UNC13C: variants seen among roughly 807,000 people sequenced by gnomAD.
The protein encoded by UNC13C is protein unc-13 homolog C.
UNC13C carries 174 observed loss-of-function variants against 245.4 expected under a neutral mutation model. The ratio of observed to expected loss-of-function variants is 0.71; its 90% CI spans 0.63 to 0.80. The LOEUF is 0.80. UNC13C is among the 30% of genes least tolerant of loss of function. UNC13C has a pLI of 0.00. For synonymous variants in UNC13C, 992 were observed against 895.1 expected (o/e 1.11, Z -1.93); for missense variants, 2,829 against 2,602.9 (o/e 1.09, Z -1.89).
intron 1 of UNC13C, among the ~76,000 whole-genome samples, chr15:54,007,228 C>T (rs970829770): frequency 1.1e-4 from 17 of 152,070 alleles, no homozygotes; most frequent in East Asian, 5.8e-4. Context: ...GTCCAGGACA[C>T]GTAACACAAC....
At chr15:53,962,033 T>C in the UNC13C span, among the ~76,000 whole-genome samples, 3 of 152,204 alleles carry the variant, frequency 2.0e-5, no homozygotes, top group African/African-American at 7.2e-5. Flanking sequence ...ATGTTTTCTT[T>C]AAGAGATAGC....
At chr15:53,839,208 G>T in the UNC13C span, among the ~76,000 whole-genome samples, 1 of 151,702 alleles carries the variant, frequency 6.6e-6, no homozygotes, top group Non-Finnish European at 1.5e-5. Flanking sequence ...ATTTTTTACT[G>T]TTCTTCCCAT....
chr15:54,550,032 C>A (rs1026582480), intron 28 of UNC13C, among the ~76,000 whole-genome samples: 6 of 152,120 alleles, frequency 3.9e-5, no homozygotes, highest in African/African-American at 1.4e-4. Flanking sequence ...AGGCACTGAA[C>A]TTGTCAACAT....
At chr15:54,041,030 A>G (rs989771545) in intron 2 of UNC13C, among the ~76,000 whole-genome samples, 1 of 152,218 alleles carries the variant, frequency 6.6e-6, no homozygotes, top group Non-Finnish European at 1.5e-5. Context: ...TCCACTTAAT[A>G]TACTCATTGT....
the UNC13C span, among the ~76,000 whole-genome samples, chr15:53,910,259 C>T: frequency 2.7e-5 from 4 of 145,578 alleles, no homozygotes; most frequent in South Asian, 2.3e-4. Flanking sequence ...CACTTAACCC[C>T]CAGGAGGTTT....
intron 19 of UNC13C, among the ~76,000 whole-genome samples, chr15:54,427,565 C>G (rs907782253): frequency 6.6e-6 from 1 of 151,746 alleles, no homozygotes; most frequent in African/African-American, 2.4e-5. Flanking sequence ...GCACAAAGAA[C>G]TTCAGAATTA....
At chr15:54,205,710 A>C (rs2034686971) in intron 4 of UNC13C, among the ~76,000 whole-genome samples, 1 of 152,020 alleles carries the variant, frequency 6.6e-6, no homozygotes, top group Non-Finnish European at 1.5e-5. Context: ...GTCATCTTTT[A>C]AGCTTCTCTA....
chr15:53,850,044 C>T, the UNC13C span, among the ~76,000 whole-genome samples: 42,086 of 152,056 alleles, frequency 0.28, 7,120 homozygotes, highest in Non-Finnish European at 0.37. Context: ...CAAGAACTTC[C>T]TTTAACATTT....
At chr15:53,911,577 T>A in the UNC13C span, 1 of 152,200 alleles carries the variant, frequency 6.6e-6, no homozygotes, top group Non-Finnish European at 1.5e-5. Context: ...ATGGAGAATC[T>A]GGCTTCTATC....
chr15:54,502,857 G>C (rs1316219919), intron 22 of UNC13C, among the ~76,000 whole-genome samples: 1 of 152,118 alleles, frequency 6.6e-6, no homozygotes, highest in African/African-American at 2.4e-5. Flanking sequence ...TGAGTGCACG[G>C]TAACAGAGTA....
At chr15:54,154,884 C>A (rs1340289097) in intron 4 of UNC13C, among the ~76,000 whole-genome samples, 4 of 152,054 alleles carry the variant, frequency 2.6e-5, no homozygotes, top group South Asian at 2.1e-4. Flanking sequence ...GGCTTCTGAC[C>A]AATATAAGAA....
At chr15:54,454,194 T>C (rs1386951880) in intron 19 of UNC13C, among the ~76,000 whole-genome samples, 1 of 151,978 alleles carries the variant, frequency 6.6e-6, no homozygotes, top group African/African-American at 2.4e-5. Context: ...TGGCATGAGG[T>C]GCTACATTCA....
At chr15:54,603,899 T>G (rs891411958) in intron 30 of UNC13C, among the ~76,000 whole-genome samples, 1 of 152,120 alleles carries the variant, frequency 6.6e-6, no homozygotes, top group African/African-American at 2.4e-5. Context: ...ATTGAAAGCT[T>G]ACACCTGAGC....
rs1191034792 is a variant in UNC13C at position 54,168,073 on chromosome 15, T to TATAGTAAA, written c.3071+24393_3071+24400dup. Among the ~76,000 whole-genome samples, 3 of 152,182 alleles carry TATAGTAAA rather than the reference T, an allele frequency of 2.0e-5. No individual in the cohort carries two copies. The East Asian group carries it at 5.8e-4, about 29-fold the overall frequency. Reference sequence around the variant, plus strand: ...ACGAATAGATACGTGATAGAGCAAGTATAGTAAAATAATTATAGTAGAATC... The same window carrying TATAGTAAA: ...ACGAATAGATACGTGATAGAGCAAGTATAGTAAAATAGTAAAATAATTATAGTAGAATC... On this transcript the variant is annotated intron_variant, in intron 4 of 32. Coordinates refer to ENST00000260323, the MANE Select transcript of UNC13C (RefSeq NM_001080534.3).
rs1890719592 is a variant in UNC13C at position 54,444,853 on chromosome 15, A to G, written c.4933+29786A>G. ...TATTGTACTTTAAGTTCTAGGGTACATATGTACAACGTGCAGGTTTGTTAC... is the reference window on the plus strand; with the variant it reads ...TATTGTACTTTAAGTTCTAGGGTACGTATGTACAACGTGCAGGTTTGTTAC... On this transcript the variant is annotated intron_variant, in intron 19 of 32. Coordinates refer to ENST00000260323, the MANE Select transcript of UNC13C (RefSeq NM_001080534.3). Among the ~76,000 whole-genome samples the G allele has an allele frequency of 2.6e-5, 4 of 152,076 alleles. No homozygotes were observed. The South Asian group carries it at 8.3e-4, about 32-fold the overall frequency.
At chr15:54,176,373 A>G (rs901227338) in intron 4 of UNC13C, among the ~76,000 whole-genome samples, 3 of 152,104 alleles carry the variant, frequency 2.0e-5, no homozygotes, top group Non-Finnish European at 4.4e-5. Flanking sequence ...ATAACTTTTA[A>G]CTTAGGTTGT....
intron 2 of UNC13C, among the ~76,000 whole-genome samples, chr15:54,086,796 C>G (rs368170592): frequency 3.2e-5 from 4 of 124,824 alleles, no homozygotes; most frequent in African/African-American, 1.2e-4. Flanking sequence ...AGTGCAGTGG[C>G]GAGATCTCAG....
At chr15:54,487,868 C>A (rs1400936769) in intron 19 of UNC13C, among the ~76,000 whole-genome samples, 2 of 150,916 alleles carry the variant, frequency 1.3e-5, no homozygotes, top group African/African-American at 2.4e-5. Flanking sequence ...ATTTTCCTCT[C>A]TAGAGGATTC....
the UNC13C span, among the ~76,000 whole-genome samples, chr15:53,881,917 G>A: frequency 6.6e-6 from 1 of 152,144 alleles, no homozygotes; most frequent in African/African-American, 2.4e-5. Context: ...CTGCTGTCCA[G>A]TCAGAAACCT....
Sources: gnomAD v4.1 joint callset for allele counts (sites outside exome capture counted in the v4.1 genomes callset) on GRCh38, gnomAD v4.1.1 for gene constraint, MANE v1.5 for transcripts, NCBI Gene and HGNC (gene_info 2026-07-23, HGNC 2026-07-21) for gene names.